The following ZNF704 variants were observed in gnomAD, a reference collection of about 807,000 sequenced individuals.
ZNF704 encodes glucocorticoid induced gene 1.
Under a neutral mutation model 44.7 loss-of-function variants are expected in ZNF704, and 10 were observed. The observed-to-expected ratio is 0.22, with a 90% CI of 0.14 to 0.38. The LOEUF (loss-of-function observed/expected upper bound fraction) is 0.38. Ranked by LOEUF, ZNF704 falls within the 10% of genes least tolerant of loss-of-function variation. The pLI, the probability that ZNF704 is intolerant of heterozygous loss-of-function variation, is 1.00. For synonymous variants in ZNF704, 211 were observed against 207.6 expected, an observed-to-expected ratio of 1.02 and a Z score of -0.14; for missense variants, 390 against 545.5, an observed-to-expected ratio of 0.71 and a Z score of 2.84.
chr8:80,764,795 CT>C (rs1302687255), intron 2 of ZNF704, among the ~76,000 whole-genome samples: 1 of 152,216 alleles, frequency 6.6e-6, no homozygotes, highest in Non-Finnish European at 1.5e-5. Context: ...GCCTCGTACG[CT>C]TATCACAGAC....
chr8:80,715,165 C>T (rs1819052918), intron 2 of ZNF704, among the ~76,000 whole-genome samples: 3 of 152,172 alleles, frequency 2.0e-5, no homozygotes, highest in Admixed American at 1.3e-4. Flanking sequence ...TAATTCACTT[C>T]CCCGTTTTCA....
chr8:80,851,945 C>T (rs933380841), intron 1 of ZNF704, among the ~76,000 whole-genome samples: 13 of 152,018 alleles, frequency 8.6e-5, no homozygotes, highest in Admixed American at 2.6e-4. Flanking sequence ...CATGACCTCT[C>T]GGGACTCCCA....
intron 2 of ZNF704, among the ~76,000 whole-genome samples, chr8:80,801,877 A>T (rs1807906120): frequency 6.6e-6 from 1 of 152,158 alleles, no homozygotes; most frequent in Non-Finnish European, 1.5e-5. Flanking sequence ...AAATTAATGA[A>T]TCCAGGAGCT....
chr8:80,685,218 T>C (rs576680980), intron 4 of ZNF704, among the ~76,000 whole-genome samples: 71 of 152,214 alleles, frequency 4.7e-4, no homozygotes, highest in Middle Eastern at 3.4e-3. Context: ...TTACCTTAAT[T>C]TAGTTAAAGC....
intron 4 of ZNF704, among the ~76,000 whole-genome samples, chr8:80,676,897 A>G (rs899189329): frequency 2.0e-5 from 3 of 152,160 alleles, no homozygotes; most frequent in Non-Finnish European, 4.4e-5. Context: ...ACAGGCGGTA[A>G]TGCTCGCTTG....
chr8:80,739,180 A>G (rs1038935119), intron 2 of ZNF704, among the ~76,000 whole-genome samples: 3 of 152,190 alleles, frequency 2.0e-5, no homozygotes, highest in Non-Finnish European at 4.4e-5. Flanking sequence ...GGTCATACAT[A>G]ATAAGTCATT....
chr8:80,871,410 T>C (rs1441014527), intron 1 of ZNF704, among the ~76,000 whole-genome samples: 1 of 152,192 alleles, frequency 6.6e-6, no homozygotes, highest in East Asian at 1.9e-4. Flanking sequence ...GCTCTTCCCA[T>C]GCGAAATGTC....
At chr8:80,696,840 G>A (rs1484971062) in intron 2 of ZNF704, among the ~76,000 whole-genome samples, 24 of 152,220 alleles carry the variant, frequency 1.6e-4, no homozygotes, top group Admixed American at 1.5e-3. Context: ...CCTGAGGTAA[G>A]TTTATTTTAC....
upstream of ZNF704, among the ~76,000 whole-genome samples, chr8:80,877,325 A>G (rs553028835): frequency 4.0e-4 from 61 of 152,214 alleles, no homozygotes; most frequent in Middle Eastern, 0.01. Context: ...GGAGAGCAGC[A>G]TTGTCTAGGC....
chr8:80,854,399 G>A (rs760473631), intron 1 of ZNF704, among the ~76,000 whole-genome samples: 7 of 152,170 alleles, frequency 4.6e-5, no homozygotes, highest in Non-Finnish European at 1.0e-4. Context: ...GCAAAGATTA[G>A]AGGGACTGCT....
At chr8:80,698,557 T>C (rs995584445) in intron 2 of ZNF704, among the ~76,000 whole-genome samples, 1 of 151,998 alleles carries the variant, frequency 6.6e-6, no homozygotes, top group African/African-American at 2.4e-5. Context: ...TGGGAGAGGT[T>C]GGGTAAGGTT....
At chr8:80,837,680 C>T (rs186878980) in intron 1 of ZNF704, among the ~76,000 whole-genome samples, 12 of 152,242 alleles carry the variant, frequency 7.9e-5, no homozygotes, top group African/African-American at 2.6e-4. Context: ...TAATAAACAC[C>T]AACTTTACTT....
chr8:80,796,724 G>C (rs1807806822), intron 2 of ZNF704, among the ~76,000 whole-genome samples: 1 of 152,196 alleles, frequency 6.6e-6, no homozygotes, highest in Admixed American at 6.5e-5. Flanking sequence ...GACTGGGTGT[G>C]GTGGCTCATG....
intron 2 of ZNF704, among the ~76,000 whole-genome samples, chr8:80,785,965 A>G (rs1166676459): frequency 6.6e-6 from 1 of 152,172 alleles, no homozygotes; most frequent in African/African-American, 2.4e-5. Context: ...AATATGTATA[A>G]ACATGGCATC....
chr8:80,859,088 T>C (rs1257113041), intron 1 of ZNF704, among the ~76,000 whole-genome samples: 1 of 152,248 alleles, frequency 6.6e-6, no homozygotes, highest in Non-Finnish European at 1.5e-5. Flanking sequence ...ATTTCTCTTC[T>C]TGACTCTTTG....
chr8:80,693,983 G>A (rs1036083934), intron 2 of ZNF704, among the ~76,000 whole-genome samples: 2 of 152,132 alleles, frequency 1.3e-5, no homozygotes, highest in African/African-American at 4.8e-5. Flanking sequence ...AGGCGAGCTT[G>A]GACTAGGGTG....
At chr8:80,795,173 A>C (rs1045076583) in intron 2 of ZNF704, among the ~76,000 whole-genome samples, 1 of 152,210 alleles carries the variant, frequency 6.6e-6, no homozygotes, top group Non-Finnish European at 1.5e-5. Flanking sequence ...GACAAGAAGC[A>C]CCAGCACCTA....
intron 8 of ZNF704, 71 bp downstream of exon 8, chr8:80,642,964 T>C: frequency 2.0e-6 from 2 of 1,012,312 alleles, no homozygotes; most frequent in Non-Finnish European, 2.7e-6. Context: ...TTCTCAGGGT[T>C]CTCTCTGCTG....
intron 2 of ZNF704, among the ~76,000 whole-genome samples, chr8:80,813,811 A>G (rs1333287300): frequency 6.6e-6 from 1 of 152,176 alleles, no homozygotes; most frequent in African/African-American, 2.4e-5. Flanking sequence ...CCCAGAAGGC[A>G]GAGCTTGCAG....
Sources: allele counts gnomAD v4.1 joint callset (sites outside exome capture counted in the v4.1 genomes callset), GRCh38; gene constraint gnomAD v4.1.1; transcripts MANE v1.5; gene names NCBI Gene and HGNC (gene_info 2026-07-23, HGNC 2026-07-21).